Variants in TRA2B observed in about 807,000 individuals in gnomAD.
The protein encoded by TRA2B is transformer-2 protein homolog beta.
In TRA2B, 14 loss-of-function variants were observed where a neutral mutation model predicts 41.7. That is an observed-to-expected ratio of 0.34 (90% CI 0.22 to 0.53). The LOEUF (loss-of-function observed/expected upper bound fraction) is 0.53, where lower values mean the gene tolerates loss of function less well. Among genes scored for constraint, TRA2B ranks in the 20% least tolerant of loss-of-function variants. The probability of loss-of-function intolerance (pLI) is 0.95; values close to 1 mark genes in which losing one functional copy is unlikely to be tolerated. For synonymous variants in TRA2B, 130 were observed against 128.8 expected (o/e 1.01, Z -0.06); for missense variants, 167 against 396.8 (o/e 0.42, Z 4.92).
intron 1 of TRA2B, among the ~76,000 whole-genome samples, chr3:185,932,577 A>T (rs567385609): frequency 6.6e-6 from 1 of 152,238 alleles, no homozygotes; most frequent in African/African-American, 2.4e-5. Flanking sequence ...GTTTTGTTGT[A>T]CATTTTCCCC....
At chr3:185,935,638 TGAA>T (rs1744320819) in intron 1 of TRA2B, 3 of 985,314 alleles carry the variant, frequency 3.0e-6, no homozygotes, top group Non-Finnish European at 3.6e-6. Flanking sequence ...AGCCTGGAGT[TGAA>T]TAACACTCAT....
chr3:185,925,583 G>A lies in TRA2B; in HGVS notation c.214C>T (p.Arg72Trp). 1 of 1,614,086 alleles carries A rather than the reference G, an allele frequency of 6.2e-7. No homozygotes were observed. Among genetic ancestry groups the A allele is most frequent in the Non-Finnish European group, 8.5e-7 (1 of 1,179,978 alleles). ...CGTCTATGGGAGCGGGAGCGAGACC[G>A]TGACCGGGTATAATGCCTTCGGGAG... ...RSSRRHYTRSRSRSRSHRRSR... is the reference protein window; with the variant it reads ...RSSRRHYTRSWSRSRSHRRSR... The change falls in exon 3 of 9, where the codon CGG (arginine) becomes TGG (tryptophan). Residue 72 changes from arginine to tryptophan, a missense_variant. By Grantham distance (101) the Arg-to-Trp change is moderately radical. This residue lies in a region of TRA2B where 94 missense variants were observed against 133.4 expected (regional missense o/e 0.70). Coordinates refer to ENST00000453386, the MANE Select transcript of TRA2B (RefSeq NM_004593.3).
intron 1 of TRA2B, chr3:185,934,877 T>C (rs1744288434): frequency 1.0e-6 from 1 of 985,428 alleles, no homozygotes; most frequent in Non-Finnish European, 1.2e-6. Flanking sequence ...ACAAAAATAA[T>C]AGCCAGTATT....
At chr3:185,935,865 G>C (rs998072790) in intron 1 of TRA2B, 1 of 985,326 alleles carries the variant, frequency 1.0e-6, no homozygotes, top group African/African-American at 1.7e-5. Flanking sequence ...AAAGTTTAGA[G>C]ATCTCGGCCA....
chr3:185,919,207 A>G (rs1743620684), intron 7 of TRA2B, among the ~76,000 whole-genome samples: 1 of 145,628 alleles, frequency 6.9e-6, no homozygotes, highest in African/African-American at 2.6e-5. Context: ...ACATCACTGT[A>G]CCTCATCACG....
Position 185,937,239 on chromosome 3 carries a change from C to T in TRA2B, c.36+586G>A, listed in dbSNP as rs1000587988. The T allele has an allele frequency of 9.1e-6, 9 of 985,862 alleles. No individual in the cohort carries two copies. The South Asian group carries it at 1.4e-4, about 15-fold the overall frequency. 61.1% of individuals were successfully genotyped at this position (985,862 alleles called of 1,614,324 possible). On this transcript the variant is annotated intron_variant, in intron 1 of 8. Coordinates refer to ENST00000453386, the MANE Select transcript of TRA2B (RefSeq NM_004593.3). ...TAGTCGGCCTTGGATTAGTTTCCAT[C>T]TTAAGAGGCCCCAAAGACATCCCAG...
intron 1 of TRA2B, chr3:185,931,969 A>G (rs973934161): frequency 9.3e-6 from 7 of 754,568 alleles, no homozygotes; most frequent in African/African-American, 5.5e-5. Context: ...AAAAAAAAAA[A>G]AAGAAACTAG....
chr3:185,929,619 C>CTTAG, intron 1 of TRA2B, among the ~76,000 whole-genome samples: 1 of 152,314 alleles, frequency 6.6e-6, no homozygotes, highest in Middle Eastern at 3.4e-3. Flanking sequence ...ATACAACACA[C>CTTAG]TTAGCCTTCC....
intron 1 of TRA2B, chr3:185,936,270 AG>A (rs1256871101): frequency 1.0e-6 from 1 of 985,354 alleles, no homozygotes; most frequent in Non-Finnish European, 1.2e-6. Flanking sequence ...CTGTTATAAC[AG>A]ATTCAACTGC....
At chr3:185,936,562 T>C (rs1744363174) in intron 1 of TRA2B, 1 of 985,412 alleles carries the variant, frequency 1.0e-6, no homozygotes, top group Non-Finnish European at 1.2e-6. Context: ...TGAGGAATCA[T>C]ATAAAATCTT....
intron 2 of TRA2B, among the ~76,000 whole-genome samples, chr3:185,926,329 G>A (rs201494773): frequency 1.5e-4 from 23 of 151,998 alleles, no homozygotes; most frequent in Non-Finnish European, 2.6e-4. Flanking sequence ...CAACCCTGAA[G>A]AACTGGTACT....
At chr3:185,932,387 G>A (rs375080065) in intron 1 of TRA2B, among the ~76,000 whole-genome samples, 2 of 152,066 alleles carry the variant, frequency 1.3e-5, no homozygotes, top group Middle Eastern at 3.2e-3. Flanking sequence ...GCAGAAAGAC[G>A]GTGTCAGGGA....
Position 185,922,143 on chromosome 3 carries a change from A to T in TRA2B, c.523-17T>A. On this transcript the variant is annotated splice_polypyrimidine_tract_variant and intron_variant, in intron 4 of 8. Coordinates refer to ENST00000453386, the MANE Select transcript of TRA2B (RefSeq NM_004593.3). ...TTCTTTAGCCTTCAAAAGGTAAATA[A>T]ATTGTTACATACATCCTGAACAAAG... The T allele has an allele frequency of 6.3e-7, 1 of 1,587,874 alleles. No homozygotes were observed. The highest frequency in any genetic ancestry group is 8.6e-7 in the Non-Finnish European group (1 of 1,157,638).
intron 1 of TRA2B, chr3:185,935,103 C>T (rs1047081331): frequency 1.0e-6 from 1 of 985,432 alleles, no homozygotes; most frequent in Non-Finnish European, 1.2e-6. Flanking sequence ...GATTACCCTG[C>T]ACTTCATCAA....
chr3:185,926,445 C>A (rs16860331), intron 2 of TRA2B, among the ~76,000 whole-genome samples, 156 bp downstream of exon 2: 5,263 of 152,248 alleles, frequency 0.035, 282 homozygotes, highest in African/African-American at 0.12. Flanking sequence ...CTCTTAACCG[C>A]TTTTAGTCTT....
chr3:185,935,471 C>A, intron 1 of TRA2B: 1 of 985,300 alleles, frequency 1.0e-6, no homozygotes, highest in Non-Finnish European at 1.2e-6. Context: ...TCCCACACAC[C>A]CAACCTTAAA....
chr3:185,923,781 C>G lies in TRA2B; in HGVS notation c.522+15G>C. 2 of 1,592,546 alleles carry G rather than the reference C, an allele frequency of 1.3e-6. No individual in the cohort carries two copies. The stretch of plus-strand genomic sequence containing the variant: ...ATAGAACTGATGGTTTACAAAGGAA[C>G]GGGCTTTTACTTACTTCCTTGGCAT... On this transcript the variant is annotated intron_variant, in intron 4 of 8. Transcript: ENST00000453386.
intron 1 of TRA2B, chr3:185,935,678 T>C: frequency 1.0e-6 from 1 of 985,478 alleles, no homozygotes; most frequent in South Asian, 4.7e-5. Flanking sequence ...AAGCATCATT[T>C]ACACCACAGG....
At chr3:185,935,080 A>G (rs1744297162) in intron 1 of TRA2B, 1 of 985,408 alleles carries the variant, frequency 1.0e-6, no homozygotes, top group South Asian at 4.7e-5. Context: ...TGTGACCATT[A>G]TTGGGCTCTA....
Sources: allele counts gnomAD v4.1 joint callset (sites outside exome capture counted in the v4.1 genomes callset), GRCh38; gene constraint gnomAD v4.1.1; regional missense constraint gnomAD v4.1.1; transcripts MANE v1.5; gene names NCBI Gene and HGNC (gene_info 2026-07-23, HGNC 2026-07-21).